LRRN1: variants seen among roughly 807,000 people sequenced by gnomAD.
The protein encoded by LRRN1 is leucine rich repeat neuronal 1, also known as leucine-rich repeat neuronal protein 1.
In LRRN1, 14 loss-of-function variants were observed where a neutral mutation model predicts 45.8. That is an observed-to-expected ratio of 0.31 (90% confidence interval 0.20 to 0.48). The LOEUF (loss-of-function observed/expected upper bound fraction) is 0.48, where lower values mean the gene tolerates loss of function less well. LRRN1 is among the 20% of genes least tolerant of loss of function. The probability of loss-of-function intolerance (pLI) is 0.99; values close to 1 mark genes in which losing one functional copy is unlikely to be tolerated. For synonymous variants in LRRN1, 359 were observed against 330.1 expected (o/e 1.09, Z -0.95); for missense variants, 789 against 874.2 (o/e 0.90, Z 1.23).
intron 1 of LRRN1, among the ~76,000 whole-genome samples, chr3:3,809,345 T>C (rs1167660152): frequency 6.6e-6 from 1 of 152,180 alleles, no homozygotes; most frequent in East Asian, 1.9e-4. Flanking sequence ...GGTTTCACCA[T>C]GTTAACCAGG....
At chr3:3,842,646 A>C (rs541345449) in intron 1 of LRRN1, among the ~76,000 whole-genome samples, 2 of 152,336 alleles carry the variant, frequency 1.3e-5, no homozygotes, top group South Asian at 4.1e-4. Context: ...GTTTAAACAC[A>C]TATGCTCTAT....
chr3:3,840,357 T>C (rs1209493013), intron 1 of LRRN1, among the ~76,000 whole-genome samples: 2 of 152,318 alleles, frequency 1.3e-5, no homozygotes, highest in South Asian at 2.1e-4. Flanking sequence ...CTTTTTAATA[T>C]GAGAAGTTTT....
At chr3:3,832,013 G>C (rs957313269) in intron 1 of LRRN1, among the ~76,000 whole-genome samples, 1 of 152,226 alleles carries the variant, frequency 6.6e-6, no homozygotes, top group Admixed American at 6.5e-5. Context: ...CCAGGTACCA[G>C]GAGACGTGTT....
chr3:3,817,066 C>T (rs1693002478), intron 1 of LRRN1, among the ~76,000 whole-genome samples: 1 of 152,112 alleles, frequency 6.6e-6, no homozygotes. Context: ...CATCTATAAG[C>T]TGGAAAACTG....
In LRRN1 at chr3:3,802,793, C is replaced by G. The variant is rs140480231; in HGVS notation, c.-279+2874C>G. Among the ~76,000 whole-genome samples, 925 of 152,280 alleles carry G rather than the reference C, an allele frequency of 6.1e-3. 13 individuals are homozygous for G. Among genetic ancestry groups the G allele is most frequent in the African/African-American group, 0.021 (871 of 41,556 alleles). ...GAGTTGAAGGGTAACTTAAAATAAACTTGACATTTCTAGACTATAAACCAT... is the reference window on the plus strand; with the variant it reads ...GAGTTGAAGGGTAACTTAAAATAAAGTTGACATTTCTAGACTATAAACCAT... On this transcript the variant is annotated intron_variant, in intron 1 of 1. Transcript: ENST00000319331.
intron 1 of LRRN1, among the ~76,000 whole-genome samples, chr3:3,834,364 A>G (rs191160610): frequency 1.3e-5 from 2 of 151,160 alleles, no homozygotes; most frequent in Admixed American, 6.6e-5. Context: ...CCATACTATT[A>G]GAAGTACAGT....
chr3:3,817,481 CTA>C (rs1357790098), intron 1 of LRRN1, among the ~76,000 whole-genome samples: 4 of 152,126 alleles, frequency 2.6e-5, no homozygotes, highest in African/African-American at 7.2e-5. Context: ...GCGGGAACTT[CTA>C]TGTTAAATGT....
chr3:3,804,174 G>A (rs1219972394), intron 1 of LRRN1: 1 of 152,134 alleles, frequency 6.6e-6, no homozygotes, highest in African/African-American at 2.4e-5. Context: ...CAGTTGATTG[G>A]TTGGTTAGCA....
At chr3:3,800,561 G>C (rs1448084922) in intron 1 of LRRN1, 3 of 151,734 alleles carry the variant, frequency 2.0e-5, no homozygotes, top group African/African-American at 7.3e-5. Context: ...CAGCCCGTGA[G>C]CCTTGAGCTC....
intron 1 of LRRN1, among the ~76,000 whole-genome samples, chr3:3,818,063 A>G (rs1693023079): frequency 6.6e-6 from 1 of 152,222 alleles, no homozygotes; most frequent in Admixed American, 6.5e-5. Flanking sequence ...TGAATGTACA[A>G]TCCGGAACCA....
intron 1 of LRRN1, among the ~76,000 whole-genome samples, chr3:3,832,579 C>T (rs1693395211): frequency 6.6e-6 from 1 of 152,122 alleles, no homozygotes; most frequent in Admixed American, 6.5e-5. Flanking sequence ...TTTCCCTTTC[C>T]CCAGTGCAGT....
chr3:3,846,949 C>A lies in LRRN1; in HGVS notation c.*157C>A. 1 of 602,136 alleles carries A rather than the reference C, an allele frequency of 1.7e-6. No homozygotes were observed. The highest frequency in any genetic ancestry group is 2.9e-6 in the Non-Finnish European group (1 of 348,426). The allele number at this position is 602,136 out of a possible 1,614,324, so 37.3% of individuals were successfully genotyped here. A position where few individuals can be genotyped will look rare whatever the true frequency, so the allele number is the denominator to read the frequency against. Reference sequence around the variant, plus strand: ...GATATTTCAAATTTTTTTAGTATAGCGTATCGCAAGGGTTTGACACGGCTG... The same window carrying A: ...GATATTTCAAATTTTTTTAGTATAGAGTATCGCAAGGGTTTGACACGGCTG... On this transcript the variant is annotated 3_prime_UTR_variant, in exon 2 of 2. Coordinates refer to ENST00000319331, the MANE Select transcript of LRRN1 (RefSeq NM_020873.7). This position sits in a 1 kb window ranked among gnomAD's most constrained non-coding sequence, Gnocchi z 5.7.
At chr3:3,800,961 C>T (rs1692638479) in intron 1 of LRRN1, 1 of 152,464 alleles carries the variant, frequency 6.6e-6, no homozygotes, top group Non-Finnish European at 1.5e-5. Flanking sequence ...CGCCGCCCGC[C>T]CAGGGAGTCC....
In LRRN1 at chr3:3,846,645, T is replaced by C; in HGVS notation, c.2004T>C (p.Tyr668=). ...RKNYHHSLKK[Y]MQKTSSIPLN... ...ACTACCACCACTCATTAAAAAAGTATATGCAAAAAACCTCTTCAATCCCAC... is the reference window on the plus strand; with the variant it reads ...ACTACCACCACTCATTAAAAAAGTACATGCAAAAAACCTCTTCAATCCCAC... Residue 668 remains tyrosine, a synonymous_variant, in exon 2 of 2, where the codon TAT becomes TAC. Coordinates refer to ENST00000319331, the MANE Select transcript of LRRN1 (RefSeq NM_020873.7). This position sits in a 1 kb window ranked among gnomAD's most constrained non-coding sequence, Gnocchi z 5.7. The C allele has an allele frequency of 6.2e-7, 1 of 1,614,048 alleles. No homozygotes were observed. The highest frequency in any genetic ancestry group is 1.1e-5 in the South Asian group (1 of 91,082).
rs1693716214 is a variant in LRRN1 at position 3,844,590 on chromosome 3, GT to G, written c.-48del. 7.2e-7 allele frequency: 1 copy of G among 1,395,708 alleles called. No homozygotes were observed. The highest frequency in any genetic ancestry group is 1.3e-5 in the South Asian group (1 of 76,462). The allele number at this position is 1,395,708 out of a possible 1,614,324, so 86.5% of individuals were successfully genotyped here. A position where few individuals can be genotyped will look rare whatever the true frequency, so the allele number is the denominator to read the frequency against. Reference sequence around the variant, plus strand: ...CTACATATCACAATATAGTGTTCACGTTTTGTTAAAACTTTGGGGTGTCAGG... The same window carrying G: ...CTACATATCACAATATAGTGTTCACGTTTGTTAAAACTTTGGGGTGTCAGG... On this transcript the variant is annotated 5_prime_UTR_variant, in exon 2 of 2. It removes the in-frame stop codon of an upstream open reading frame in the 5' UTR. Transcript: ENST00000319331.
chr3:3,815,815 A>G (rs1692975650), intron 1 of LRRN1, among the ~76,000 whole-genome samples: 1 of 152,194 alleles, frequency 6.6e-6, no homozygotes, highest in Non-Finnish European at 1.5e-5. Context: ...CAAAAACTCT[A>G]CAGAAATTTT....
intron 1 of LRRN1, among the ~76,000 whole-genome samples, chr3:3,801,724 C>A (rs1015119597): frequency 2.6e-5 from 4 of 152,206 alleles, no homozygotes; most frequent in Non-Finnish European, 5.9e-5. Context: ...GAGCCAAATT[C>A]TTTAAGTGCT....
chr3:3,825,376 C>T (rs574597836), intron 1 of LRRN1, among the ~76,000 whole-genome samples: 2 of 152,280 alleles, frequency 1.3e-5, no homozygotes, highest in African/African-American at 4.8e-5. Flanking sequence ...ATGGATTTGC[C>T]CTTGCCTGAA....
chr3:3,842,240 A>AC (rs1428318896), intron 1 of LRRN1, among the ~76,000 whole-genome samples: 3 of 152,084 alleles, frequency 2.0e-5, no homozygotes, highest in African/African-American at 7.2e-5. Context: ...GCACAAGACT[A>AC]CATAATAAAT....
Sources: allele counts gnomAD v4.1 joint callset (sites outside exome capture counted in the v4.1 genomes callset), GRCh38; gene constraint gnomAD v4.1.1; non-coding constraint Gnocchi (gnomAD v3.1); transcripts MANE v1.5; gene names NCBI Gene and HGNC (gene_info 2026-07-23, HGNC 2026-07-21).